The following GRIN2B variants were observed in gnomAD, a reference collection of about 807,000 sequenced individuals.
GRIN2B encodes glutamate ionotropic receptor NMDA type subunit 2B.
Under a neutral mutation model 114.5 loss-of-function variants are expected in GRIN2B, and 5 were observed. The ratio of observed to expected loss-of-function variants is 0.04; its 90% CI spans 0.02 to 0.09. GRIN2B has a LOEUF of 0.09. GRIN2B is among the 10% of genes least tolerant of loss of function. The pLI, the probability that GRIN2B is intolerant of heterozygous loss-of-function variation, is 1.00. For missense variants in GRIN2B, 1,108 were observed against 1,943.5 expected (o/e 0.57, Z 8.08); for synonymous variants, 787 against 745.1 (o/e 1.06, Z -0.92).
intron 4 of GRIN2B, among the ~76,000 whole-genome samples, chr12:13,703,231 G>A (rs190809372): frequency 6.6e-6 from 1 of 152,122 alleles, no homozygotes; most frequent in East Asian, 1.9e-4. Flanking sequence ...AGCTAGAGAA[G>A]GAGGGAAAGA....
intron 5 of GRIN2B, among the ~76,000 whole-genome samples, chr12:13,657,375 C>T (rs533570006): frequency 3.3e-5 from 5 of 152,254 alleles, no homozygotes; most frequent in Non-Finnish European, 7.4e-5. Flanking sequence ...TATTATTAAG[C>T]ATGTTTAAAA....
At position 13,753,921 on chromosome 12, in the gene GRIN2B, A is replaced by G. The variant is rs1863534078; in HGVS notation, c.412-6T>C. The G allele has an allele frequency of 1.3e-6, 2 of 1,576,664 alleles. No individual in the cohort carries two copies. Among genetic ancestry groups the G allele is most frequent in the East Asian group, 4.5e-5 (2 of 44,684 alleles). On this transcript the variant is annotated splice_polypyrimidine_tract_variant and splice_region_variant and intron_variant, in intron 3 of 13. Coordinates refer to ENST00000609686, the MANE Select transcript of GRIN2B (RefSeq NM_000834.5). This position sits in a 1 kb window ranked among gnomAD's most constrained non-coding sequence, Gnocchi z 6.2. ...AAGAACATGGAGGATTCATCCTAGA[A>G]AAAGAACAGGACAAAAAAAGGAAGA...
In GRIN2B at chr12:13,870,594, C is replaced by A. The variant is rs560300188; in HGVS notation, c.-18-4368G>T. Among the ~76,000 whole-genome samples, 20 of 152,120 alleles carry A rather than the reference C, an allele frequency of 1.3e-4. No homozygotes were observed. In the East Asian group the frequency reaches 1.7e-3, roughly 13 times the overall value. On this transcript the variant is annotated intron_variant, in intron 2 of 13. Coordinates refer to ENST00000609686, the MANE Select transcript of GRIN2B (RefSeq NM_000834.5). ...GTCCTTAGAAAACTGAGTCCTGGGG[C>A]AACCACAACTGGAAGAATAAAATGT...
chr12:13,888,149 A>C (rs1866196804), intron 2 of GRIN2B, among the ~76,000 whole-genome samples: 1 of 152,220 alleles, frequency 6.6e-6, no homozygotes, highest in Non-Finnish European at 1.5e-5. Flanking sequence ...CAAAAAAATC[A>C]ATATACGGCC....
Position 13,615,754 on chromosome 12 carries a change from C to A in GRIN2B, c.1329-90G>T. The A allele has an allele frequency of 9.0e-7, 1 of 1,115,314 alleles. No individual in the cohort carries two copies. The highest frequency in any genetic ancestry group is 1.4e-6 in the Non-Finnish European group (1 of 728,094). The allele number at this position is 1,115,314 out of a possible 1,614,324, so 69.1% of individuals were successfully genotyped here. A position where few individuals can be genotyped will look rare whatever the true frequency, so the allele number is the denominator to read the frequency against. On this transcript the variant is annotated intron_variant, in intron 6 of 13. Coordinates refer to ENST00000609686, the MANE Select transcript of GRIN2B (RefSeq NM_000834.5). The surrounding 1 kb of genome is among the most constrained non-coding windows in gnomAD (Gnocchi z 5.8). ...TTACCCTTTGCCATTAAAAAACCTC[C>A]AATCCCAAAGCAGGCCCCCTTCACA... is the stretch of plus-strand genomic sequence containing the variant.
intron 2 of GRIN2B, among the ~76,000 whole-genome samples, chr12:13,978,529 C>T (rs1417840959): frequency 6.6e-6 from 1 of 152,204 alleles, no homozygotes; most frequent in African/African-American, 2.4e-5. Context: ...AAAGATCTTT[C>T]ACCTCTTCCC....
intron 4 of GRIN2B, among the ~76,000 whole-genome samples, chr12:13,685,451 G>T (rs953866722): frequency 6.6e-6 from 1 of 152,188 alleles, no homozygotes; most frequent in Non-Finnish European, 1.5e-5. Context: ...AGTAATGGTT[G>T]GCAGAGTTCT....
In GRIN2B at chr12:13,547,655, G is replaced by A. The variant is rs1396640083; in HGVS notation, c.*15128C>T. On this transcript the variant is annotated 3_prime_UTR_variant, in exon 14 of 14. Transcript: ENST00000609686. ...TTCTTGGTCTTAGTTGTCTCCCTAG[G>A]AGAAGCAGCTCTTTTCCATCCAAAG... The A allele has an allele frequency of 6.6e-6, 1 of 152,118 alleles. No individual in the cohort carries two copies. Among genetic ancestry groups the A allele is most frequent in the East Asian group, 1.9e-4 (1 of 5,180 alleles). The allele number at this position is 152,118 out of a possible 1,614,324, so 9.4% of individuals were successfully genotyped here. A position where few individuals can be genotyped will look rare whatever the true frequency, so the allele number is the denominator to read the frequency against.
At chr12:13,689,780 C>T (rs1481715299) in intron 4 of GRIN2B, among the ~76,000 whole-genome samples, 2 of 152,198 alleles carry the variant, frequency 1.3e-5, no homozygotes, top group Admixed American at 6.5e-5. Context: ...CTCATCTTTA[C>T]ATGAACTCTT....
intron 5 of GRIN2B, among the ~76,000 whole-genome samples, chr12:13,673,572 C>A (rs889091744): frequency 1.3e-5 from 2 of 152,026 alleles, no homozygotes; most frequent in Admixed American, 1.3e-4. Context: ...AAAAAATTGT[C>A]ACATAGTCCC....
chr12:13,793,624 T>G (rs896636162), intron 3 of GRIN2B, among the ~76,000 whole-genome samples: 1 of 152,140 alleles, frequency 6.6e-6, no homozygotes, highest in African/African-American at 2.4e-5. Context: ...TCGAATCCAC[T>G]CCTCATCAGT....
chr12:13,753,375 T>C lies in GRIN2B; in HGVS notation c.952A>G (p.Lys318Glu). 4 of 1,613,906 alleles carry C rather than the reference T, an allele frequency of 2.5e-6. No homozygotes were observed. The highest frequency in any genetic ancestry group is 3.4e-6 in the Non-Finnish European group (4 of 1,179,718). Residue 318 changes from lysine to glutamate, a missense_variant, in exon 4 of 14, where the codon AAA becomes GAA. Around this residue, in one of 19 missense-constraint regions of GRIN2B, gnomAD observed 199 missense variants for 439.6 expected, o/e 0.45. Coordinates refer to ENST00000609686, the MANE Select transcript of GRIN2B (RefSeq NM_000834.5). This position sits in a 1 kb window ranked among gnomAD's most constrained non-coding sequence, Gnocchi z 6.2. Reference protein sequence around the residue: ...LSEHSFIPEPKSSCYNTHEKR... With the variant: ...LSEHSFIPEPESSCYNTHEKR... ...TCGTGGGTGTTGTAACAACTGCTTT[T>C]GGGCTCAGGGATGAAGCTGTGCTCA... is the stretch of plus-strand genomic sequence containing the variant.
intron 2 of GRIN2B, among the ~76,000 whole-genome samples, chr12:13,882,077 A>G (rs10845853): frequency 0.4 from 60,619 of 152,082 alleles, 13,414 homozygotes; most frequent in East Asian, 0.65. Context: ...CAGAGTCAAT[A>G]TGAGTCTTTC....
At chr12:13,808,941 C>A (rs1864674404) in intron 3 of GRIN2B, among the ~76,000 whole-genome samples, 1 of 151,832 alleles carries the variant, frequency 6.6e-6, no homozygotes, top group East Asian at 1.9e-4. Flanking sequence ...TAGTTGGACC[C>A]AAACATCTGC....
At chr12:13,900,318 A>G (rs1866423872) in intron 2 of GRIN2B, among the ~76,000 whole-genome samples, 1 of 152,038 alleles carries the variant, frequency 6.6e-6, no homozygotes, top group Admixed American at 6.6e-5. Context: ...GACTGAAAAT[A>G]CAAAAAATTA....
At chr12:13,702,841 T>C (rs1950325051) in intron 4 of GRIN2B, among the ~76,000 whole-genome samples, 1 of 152,158 alleles carries the variant, frequency 6.6e-6, no homozygotes, top group Non-Finnish European at 1.5e-5. Flanking sequence ...CTCCCATTCC[T>C]TACAGCTAAA....
chr12:13,569,742 T>C, intron 12 of GRIN2B, 88 bp downstream of exon 12: 2 of 867,480 alleles, frequency 2.3e-6, no homozygotes, highest in Non-Finnish European at 3.6e-6. Context: ...AATGCACAGG[T>C]TAAAGAAATG....
intron 3 of GRIN2B, among the ~76,000 whole-genome samples, chr12:13,789,227 A>G (rs1864275279): frequency 6.6e-6 from 1 of 152,258 alleles, no homozygotes; most frequent in Non-Finnish European, 1.5e-5. Flanking sequence ...CCAGAGTATC[A>G]GAATAAAATG....
At chr12:13,633,503 G>C (rs3026181) in intron 5 of GRIN2B, among the ~76,000 whole-genome samples, 12,709 of 152,214 alleles carry the variant, frequency 0.083, 569 homozygotes, top group Non-Finnish European at 0.1. Context: ...GTTTACTTTG[G>C]AGTAATCAAG....
Sources: allele counts gnomAD v4.1 joint callset (sites outside exome capture counted in the v4.1 genomes callset), GRCh38; gene constraint gnomAD v4.1.1; regional missense constraint gnomAD v4.1.1; non-coding constraint Gnocchi (gnomAD v3.1); transcripts MANE v1.5; gene names NCBI Gene and HGNC (gene_info 2026-07-23, HGNC 2026-07-21).